IQCH: variants seen among roughly 807,000 people sequenced by gnomAD.
IQCH encodes IQ domain-containing protein H.
In IQCH, 98 loss-of-function variants were observed where a neutral mutation model predicts 117.0. That is an observed-to-expected ratio of 0.84 (90% confidence interval 0.71 to 0.99). The LOEUF (loss-of-function observed/expected upper bound fraction) is 0.99. Ranked by LOEUF, IQCH falls within the 50% of genes least tolerant of loss-of-function variation. The pLI is 0.00. For synonymous variants in IQCH, 412 were observed against 448.2 expected (o/e 0.92, Z 1.02); for missense variants, 1,102 against 1,243.8 (o/e 0.89, Z 1.72).
At chr15:67,371,418 T>C (rs1970527526) in intron 8 of IQCH, 5 of 1,337,710 alleles carry the variant, frequency 3.7e-6, no homozygotes, top group Non-Finnish European at 4.0e-6. Flanking sequence ...TCCCTTGGTT[T>C]TGTTATCAGA....
chr15:67,281,793 T>C (rs978673771), intron 4 of IQCH: 1 of 454,452 alleles, frequency 2.2e-6, no homozygotes, highest in Non-Finnish European at 4.4e-6. Flanking sequence ...AAAATATTTT[T>C]ATTTCCTTCA....
intron 16 of IQCH, among the ~76,000 whole-genome samples, chr15:67,429,910 G>A (rs936689745): frequency 1.3e-5 from 2 of 152,220 alleles, no homozygotes; most frequent in African/African-American, 4.8e-5. Flanking sequence ...TAGCAGAATA[G>A]AAGAAGTTGT....
rs1392976200 is a variant in IQCH, at chr15:67,433,633, A to G, written c.2505+12056A>G. Among the ~76,000 whole-genome samples, 3 of 152,092 alleles carry G rather than the reference A, an allele frequency of 2.0e-5. No individual in the cohort carries two copies. The highest frequency in any genetic ancestry group is 4.8e-5 in the African/African-American group (2 of 41,386). The stretch of plus-strand genomic sequence containing the variant: ...CCAAGACACCTCTCTGCACTTAGGG[A>G]TCTTTAACTTGAATCACCAGAAACA... On this transcript the variant is annotated intron_variant, in intron 16 of 20. Coordinates refer to ENST00000335894, the MANE Select transcript of IQCH (RefSeq NM_001031715.3). This position sits in a 1 kb window ranked among gnomAD's most constrained non-coding sequence, Gnocchi z 5.4.
chr15:67,429,613 A>G (rs2081977103), intron 16 of IQCH, among the ~76,000 whole-genome samples: 1 of 152,260 alleles, frequency 6.6e-6, no homozygotes, highest in Admixed American at 6.5e-5. Context: ...ATTGTTTGCA[A>G]AGCACTTTCA....
intron 15 of IQCH, among the ~76,000 whole-genome samples, chr15:67,418,418 A>C (rs1480236465): frequency 6.6e-6 from 1 of 151,144 alleles, no homozygotes; most frequent in Non-Finnish European, 1.5e-5. Context: ...TTCAACTCTA[A>C]AATTTTGTGA....
chr15:67,488,340 A>G (rs2083550342), intron 18 of IQCH, among the ~76,000 whole-genome samples: 1 of 152,206 alleles, frequency 6.6e-6, no homozygotes, highest in Non-Finnish European at 1.5e-5. Context: ...ACAAACAAAA[A>G]GAGGGAACTA....
Position 67,475,752 on chromosome 15 carries a change from C to T in IQCH, c.2733C>T (p.Leu911=). 6.2e-7 allele frequency: 1 copy of T among 1,614,166 alleles called. No individual in the cohort carries two copies. Among genetic ancestry groups the T allele is most frequent in the Non-Finnish European group, 8.5e-7 (1 of 1,179,986 alleles). ...VMTTQLRHSN[L]SLVFHYVFLQ... The stretch of plus-strand genomic sequence containing the variant: ...CCACCCAGCTAAGACACAGCAATCT[C>T]TCACTGGTTTTCCACTATGTTTTTC... Residue 911 remains leucine, a synonymous_variant, in exon 18 of 21, where the codon CTC becomes CTT. Coordinates refer to ENST00000335894, the MANE Select transcript of IQCH (RefSeq NM_001031715.3). The surrounding 1 kb of genome is among the most constrained non-coding windows in gnomAD (Gnocchi z 5.7).
chr15:67,347,591 CAATT>C (rs1428555424), intron 6 of IQCH, among the ~76,000 whole-genome samples: 1 of 151,420 alleles, frequency 6.6e-6, no homozygotes, highest in African/African-American at 2.4e-5. Flanking sequence ...TTCTACCAAA[CAATT>C]AAGAAAGAAA....
intron 4 of IQCH, among the ~76,000 whole-genome samples, chr15:67,335,267 G>A (rs75966616): frequency 0.053 from 8,134 of 152,230 alleles, 271 homozygotes; most frequent in Non-Finnish European, 0.083. Context: ...TGTGTTTTAT[G>A]TTCGATCCTG....
intron 3 of IQCH, among the ~76,000 whole-genome samples, chr15:67,265,304 A>G (rs1254418741): frequency 6.6e-6 from 1 of 152,218 alleles, no homozygotes; most frequent in Non-Finnish European, 1.5e-5. Context: ...GCTCCTTACT[A>G]AGGTCTGGAA....
At chr15:67,470,662 C>T (rs1042197636) in intron 17 of IQCH, among the ~76,000 whole-genome samples, 2 of 152,144 alleles carry the variant, frequency 1.3e-5, no homozygotes, top group African/African-American at 4.8e-5. Flanking sequence ...ATGAAATATA[C>T]ATCTTCAACT....
intron 4 of IQCH, among the ~76,000 whole-genome samples, chr15:67,280,028 G>A (rs946694754): frequency 4.6e-5 from 7 of 151,894 alleles, no homozygotes; most frequent in African/African-American, 1.7e-4. Flanking sequence ...AAAAAAAAAT[G>A]TGAATTTTAT....
intron 16 of IQCH, among the ~76,000 whole-genome samples, chr15:67,450,698 T>C (rs1214046097): frequency 6.6e-6 from 1 of 152,180 alleles, no homozygotes; most frequent in Non-Finnish European, 1.5e-5. Context: ...TTTGGTTGTG[T>C]CTCTGCCAGG....
At chr15:67,415,387 G>C (rs1287528833) in intron 14 of IQCH, among the ~76,000 whole-genome samples, 1 of 152,162 alleles carries the variant, frequency 6.6e-6, no homozygotes, top group African/African-American at 2.4e-5. Flanking sequence ...CCTGAGCTGA[G>C]TGTGAGCCAG....
rs775670168 is a variant in IQCH, at chr15:67,400,113, G to GATT, written c.1907_1908insTAT (p.Gln635_Met636insIle). The GATT allele has an allele frequency of 1.2e-6, 2 of 1,613,130 alleles. No individual in the cohort carries two copies. Among genetic ancestry groups the GATT allele is most frequent in the South Asian group, 2.2e-5 (2 of 90,976 alleles). ...ATGCAGCTGTGTCTTTGGCCTCACA[G>GATT]ATGATAGAGCAGCTGAGTCAGCTGA... On this transcript the variant is annotated inframe_insertion and splice_region_variant. Coordinates refer to ENST00000335894, the MANE Select transcript of IQCH (RefSeq NM_001031715.3).
At chr15:67,281,084 T>C (rs1966336336) in intron 4 of IQCH, among the ~76,000 whole-genome samples, 1 of 152,162 alleles carries the variant, frequency 6.6e-6, no homozygotes, top group African/African-American at 2.4e-5. Context: ...GACCTCTTGA[T>C]CCACCCGCCT....
At position 67,424,563 on chromosome 15, in the gene IQCH, C is replaced by A. The variant is rs1214261728; in HGVS notation, c.2505+2986C>A. ...CTCAGCACTTACTTCTGTCCTGGCACAAAGTAGGTATTCAGTAAATATTTG... is the reference window on the plus strand; with the variant it reads ...CTCAGCACTTACTTCTGTCCTGGCAAAAAGTAGGTATTCAGTAAATATTTG... On this transcript the variant is annotated intron_variant, in intron 16 of 20. Coordinates refer to ENST00000335894, the MANE Select transcript of IQCH (RefSeq NM_001031715.3). The surrounding 1 kb of genome is among the most constrained non-coding windows in gnomAD (Gnocchi z 4.9). Among the ~76,000 whole-genome samples, 1 of 152,124 alleles carries A rather than the reference C, an allele frequency of 6.6e-6. No homozygotes were observed. Among genetic ancestry groups the A allele is most frequent in the African/African-American group, 2.4e-5 (1 of 41,422 alleles).
At chr15:67,315,594 C>T (rs752187883) in intron 4 of IQCH, among the ~76,000 whole-genome samples, 1 of 152,074 alleles carries the variant, frequency 6.6e-6, no homozygotes, top group Non-Finnish European at 1.5e-5. Context: ...TCCAGTCATT[C>T]AATTAGTAAG....
At chr15:67,418,693 C>T (rs2081643573) in intron 15 of IQCH, among the ~76,000 whole-genome samples, 1 of 151,712 alleles carries the variant, frequency 6.6e-6, no homozygotes, top group Non-Finnish European at 1.5e-5. Flanking sequence ...ATTCTCCTGC[C>T]TCAGCCTCCT....
Sources: gnomAD v4.1 joint callset for allele counts (sites outside exome capture counted in the v4.1 genomes callset) on GRCh38, gnomAD v4.1.1 for gene constraint, Gnocchi (gnomAD v3.1) non-coding constraint, MANE v1.5 for transcripts, NCBI Gene and HGNC (gene_info 2026-07-23, HGNC 2026-07-21) for gene names.